Variants in DENND1B observed in about 807,000 individuals in gnomAD.
DENND1B encodes DENN domain-containing protein 1B.
A neutral mutation model predicts 90.1 loss-of-function variants in DENND1B; 59 were observed. The observed-to-expected ratio is 0.65, with a 90% CI of 0.53 to 0.81. DENND1B has a LOEUF of 0.81. Ranked by LOEUF, DENND1B falls within the 40% of genes least tolerant of loss-of-function variation. The pLI is 0.00. For synonymous variants in DENND1B, 337 were observed against 324.6 expected, an observed-to-expected ratio of 1.04 and a Z score of -0.41; for missense variants, 862 against 912.6, an observed-to-expected ratio of 0.94 and a Z score of 0.71.
chr1:197,577,179 A>G (rs937106438), intron 15 of DENND1B, among the ~76,000 whole-genome samples: 2 of 152,194 alleles, frequency 1.3e-5, no homozygotes, highest in Non-Finnish European at 2.9e-5. Flanking sequence ...TTACAATAAC[A>G]TGGGATAAAT....
At chr1:197,707,642 AATATACATATATT>A (rs1659707235) in intron 3 of DENND1B, among the ~76,000 whole-genome samples, 1 of 147,050 alleles carries the variant, frequency 6.8e-6, no homozygotes, top group South Asian at 2.1e-4. Flanking sequence ...TATATTATAT[AATATACATATATT>A]ATATACATAT....
In DENND1B at chr1:197,628,417, C is replaced by A. The variant is rs529544033; in HGVS notation, c.673-10658G>T. 1.1e-4 allele frequency among the ~76,000 whole-genome samples: 17 copies of A among 152,200 alleles called. No individual in the cohort carries two copies. The South Asian group carries it at 3.5e-3, about 32-fold the overall frequency. The stretch of plus-strand genomic sequence containing the variant: ...CTTTGACAAACCTGACAAAAACAAG[C>A]AATGGGGAAACGATTCCCTATTTAA... On this transcript the variant is annotated intron_variant, in intron 10 of 22. Coordinates refer to ENST00000620048, the MANE Select transcript of DENND1B (RefSeq NM_001195215.2).
At chr1:197,714,980 C>A in intron 3 of DENND1B, 51 bp downstream of exon 3, 3 of 1,364,324 alleles carry the variant, frequency 2.2e-6, no homozygotes, top group Non-Finnish European at 3.1e-6. Flanking sequence ...ATAGTAGCAA[C>A]AATCATAATA....
chr1:197,572,827 C>G (rs576660214), intron 15 of DENND1B, among the ~76,000 whole-genome samples: 1 of 152,308 alleles, frequency 6.6e-6, no homozygotes, highest in South Asian at 2.1e-4. Context: ...GCTGAGGGAC[C>G]TGACTGTTAG....
chr1:197,737,618 C>T (rs948151018), intron 2 of DENND1B, among the ~76,000 whole-genome samples: 7 of 152,086 alleles, frequency 4.6e-5, no homozygotes, highest in Non-Finnish European at 1.0e-4. Context: ...TTAATCATTA[C>T]GGTGAGAATG....
intron 3 of DENND1B, among the ~76,000 whole-genome samples, chr1:197,704,150 T>C: frequency 6.6e-6 from 1 of 151,914 alleles, no homozygotes; most frequent in East Asian, 1.9e-4. Flanking sequence ...GTGGCTGGGG[T>C]GGGAGGATTG....
chr1:197,580,258 A>ATTTT (rs36028786), intron 15 of DENND1B, among the ~76,000 whole-genome samples: 11 of 113,172 alleles, frequency 9.7e-5, no homozygotes, highest in African/African-American at 3.1e-4. Context: ...CGCCCAGCTA[A>ATTTT]TTTTTTTTTT....
At chr1:197,746,801 C>T in intron 2 of DENND1B, 1 of 1,599,766 alleles carries the variant, frequency 6.3e-7, no homozygotes, top group Non-Finnish European at 8.6e-7. Flanking sequence ...TGCTTCAAAC[C>T]CCCATGCAAG....
intron 10 of DENND1B, among the ~76,000 whole-genome samples, chr1:197,622,114 A>G (rs1311703944): frequency 6.6e-6 from 1 of 151,424 alleles, no homozygotes; most frequent in African/African-American, 2.4e-5. Flanking sequence ...TAACTCAGTC[A>G]TAGAACAAAG....
intron 20 of DENND1B, among the ~76,000 whole-genome samples, chr1:197,528,203 A>G (rs916479464): frequency 6.6e-6 from 1 of 152,174 alleles, no homozygotes; most frequent in African/African-American, 2.4e-5. Flanking sequence ...AAAATATGAC[A>G]TTTATTATAT....
chr1:197,737,954 G>C (rs189019582), intron 2 of DENND1B, among the ~76,000 whole-genome samples: 1 of 152,134 alleles, frequency 6.6e-6, no homozygotes, highest in Non-Finnish European at 1.5e-5. Context: ...AGAAAGGAGA[G>C]GGTAACATAG....
At chr1:197,541,512 C>T (rs1172017095) in intron 18 of DENND1B, among the ~76,000 whole-genome samples, 1 of 152,164 alleles carries the variant, frequency 6.6e-6, no homozygotes, top group Non-Finnish European at 1.5e-5. Context: ...TCTGGTAAAA[C>T]TTAAAAGTCA....
rs116717232 is a variant in DENND1B at position 197,511,864 on chromosome 1, G to A, written c.1679C>T (p.Pro560Leu). Reference sequence around the variant, plus strand: ...TAGTAAGTCCATTTCACCTGAGTAAGGAGTCTTCACTCTTGTTTCAACAGA... The same window carrying A: ...TAGTAAGTCCATTTCACCTGAGTAAAGAGTCTTCACTCTTGTTTCAACAGA... ...DDSVETRVKT[P>L]YSGEMDLLGE... The change falls in exon 22 of 23, where the codon CCT (proline) becomes CTT (leucine). Residue 560 changes from proline (P) to leucine (L), a missense_variant. By Grantham distance (98) the Pro-to-Leu change is moderately conservative. Coordinates refer to ENST00000620048, the MANE Select transcript of DENND1B (RefSeq NM_001195215.2). The A allele has an allele frequency of 1.1e-4, 172 of 1,611,392 alleles. No homozygotes were observed. In the African/African-American group the frequency reaches 1.8e-3, roughly 17 times the overall value.
chr1:197,584,890 C>T (rs1272183524), intron 14 of DENND1B, among the ~76,000 whole-genome samples: 1 of 152,128 alleles, frequency 6.6e-6, no homozygotes, highest in Admixed American at 6.5e-5. Context: ...CCAGGTTGGT[C>T]TCAAACTCCT....
At chr1:197,551,378 A>G (rs1356825209) in intron 16 of DENND1B, among the ~76,000 whole-genome samples, 1 of 152,164 alleles carries the variant, frequency 6.6e-6, no homozygotes, top group Non-Finnish European at 1.5e-5. Flanking sequence ...GCTCTCTCAA[A>G]TTAAAATAAG....
intron 22 of DENND1B, among the ~76,000 whole-genome samples, chr1:197,511,484 C>T (rs1668024102): frequency 6.6e-6 from 1 of 151,490 alleles, no homozygotes; most frequent in African/African-American, 2.4e-5. Context: ...AACATTATTG[C>T]TTGACAAAAT....
intron 2 of DENND1B, chr1:197,735,398 C>G: frequency 7.1e-7 from 1 of 1,408,920 alleles, no homozygotes; most frequent in Non-Finnish European, 9.2e-7. Flanking sequence ...AAGTCCAAGA[C>G]CTCAGAGAAT....
intron 2 of DENND1B, among the ~76,000 whole-genome samples, chr1:197,752,997 G>T (rs1360365056): frequency 6.6e-6 from 1 of 151,940 alleles, no homozygotes; most frequent in African/African-American, 2.4e-5. Context: ...CTATTCCATG[G>T]TGTATATGTG....
intron 20 of DENND1B, among the ~76,000 whole-genome samples, chr1:197,520,636 T>A (rs1668706817): frequency 6.6e-6 from 1 of 151,976 alleles, no homozygotes; most frequent in Admixed American, 6.6e-5. Flanking sequence ...ATGTTGATGC[T>A]GTGCAAATTA....
Sources: gnomAD v4.1 joint callset for allele counts (sites outside exome capture counted in the v4.1 genomes callset) on GRCh38, gnomAD v4.1.1 for gene constraint, MANE v1.5 for transcripts, NCBI Gene and HGNC (gene_info 2026-07-23, HGNC 2026-07-21) for gene names.